PKHD1: variants seen among roughly 807,000 people sequenced by gnomAD.
The protein encoded by PKHD1 is fibrocystin.
In PKHD1, 291 loss-of-function variants were observed where a neutral mutation model predicts 412.0. The observed-to-expected ratio is 0.71, with a 90% CI of 0.64 to 0.78. PKHD1 has a LOEUF of 0.78. Ranked by LOEUF, PKHD1 falls within the 30% of genes least tolerant of loss-of-function variation. The pLI is 0.00. For synonymous variants in PKHD1, 1,777 were observed against 1,821.5 expected (o/e 0.98, Z 0.62); for missense variants, 4,825 against 4,950.7 (o/e 0.97, Z 0.76).
At chr6:51,869,956 T>C (rs953958236) in intron 47 of PKHD1, among the ~76,000 whole-genome samples, 1 of 152,172 alleles carries the variant, frequency 6.6e-6, no homozygotes, top group Non-Finnish European at 1.5e-5. Context: ...CCTTGGCCCA[T>C]GAGTCCTCCA....
chr6:51,692,831 A>C (rs2150642914), intron 60 of PKHD1, among the ~76,000 whole-genome samples: 1 of 152,308 alleles, frequency 6.6e-6, no homozygotes, highest in South Asian at 2.1e-4. Flanking sequence ...ACTGACATCT[A>C]GATTTTGCCC....
chr6:51,849,671 G>T (rs906789388), intron 49 of PKHD1, among the ~76,000 whole-genome samples: 21 of 151,834 alleles, frequency 1.4e-4, no homozygotes, highest in Admixed American at 6.6e-5. Flanking sequence ...TTTCATGTTT[G>T]TTGGCCGCGT....
chr6:51,721,950 A>G, intron 60 of PKHD1: 1 of 1,613,252 alleles, frequency 6.2e-7, no homozygotes, highest in Non-Finnish European at 8.5e-7. Context: ...CTGCCTCATT[A>G]ATCTTTCAAA....
intron 4 of PKHD1, 27 bp from the exon 5 acceptor site, chr6:52,080,035 T>C (rs1045057345): frequency 7.2e-7 from 1 of 1,391,892 alleles, no homozygotes; most frequent in Non-Finnish European, 1.0e-6. Flanking sequence ...GAAATCCTTA[T>C]GAATCAAAAA....
At position 51,883,209 on chromosome 6, in the gene PKHD1, G is replaced by T. The variant is rs1010562596; in HGVS notation, c.7234C>A (p.Leu2412Ile). The stretch of plus-strand genomic sequence containing the variant: ...TAAACTTTGAAGTTTTTCAGGCGAA[G>T]ATTGCTACTTCTAAAAATCTATAAA... ...GGAQIFRSSNLRLKNFKVYSC... is the reference protein window; with the variant it reads ...GGAQIFRSSNIRLKNFKVYSC... The change falls in exon 46 of 67, where the codon CTT (leucine) becomes ATT (isoleucine). Residue 2412 changes from leucine (L) to isoleucine (I), a missense_variant. Coordinates refer to ENST00000371117, the MANE Select transcript of PKHD1 (RefSeq NM_138694.4). The T allele has an allele frequency of 1.2e-6, 2 of 1,613,386 alleles. No homozygotes were observed. Among genetic ancestry groups the T allele is most frequent in the Non-Finnish European group, 1.7e-6 (2 of 1,179,458 alleles).
At chr6:51,800,547 G>A (rs1326568) in intron 52 of PKHD1, among the ~76,000 whole-genome samples, 113,694 of 151,888 alleles carry the variant, frequency 0.75, 42,826 homozygotes, top group East Asian at 0.97. Flanking sequence ...AGCATTCCAT[G>A]TAAGTTGAAC....
intron 52 of PKHD1, among the ~76,000 whole-genome samples, chr6:51,815,110 C>T (rs948280546): frequency 9.9e-5 from 15 of 152,142 alleles, no homozygotes; most frequent in Non-Finnish European, 2.1e-4. Context: ...GACATCTCCC[C>T]CTTAAGTTTC....
chr6:51,663,204 CT>C, intron 60 of PKHD1, among the ~76,000 whole-genome samples: 2 of 152,122 alleles, frequency 1.3e-5, no homozygotes, highest in African/African-American at 4.8e-5. Context: ...AGAGGTTCCC[CT>C]TTTCTAAACT....
intron 35 of PKHD1, among the ~76,000 whole-genome samples, chr6:51,991,849 A>G (rs900369723): frequency 2.0e-5 from 3 of 152,244 alleles, no homozygotes; most frequent in Admixed American, 1.3e-4. Context: ...ACCATTCCAG[A>G]TTTATTCACT....
intron 51 of PKHD1, among the ~76,000 whole-genome samples, chr6:51,835,651 A>G (rs999600624): frequency 1.3e-5 from 2 of 152,168 alleles, no homozygotes; most frequent in African/African-American, 2.4e-5. Flanking sequence ...TCTGAAAACA[A>G]TCTTGAATCA....
intron 43 of PKHD1, among the ~76,000 whole-genome samples, chr6:51,890,999 G>A (rs982550914): frequency 2.0e-5 from 3 of 152,136 alleles, no homozygotes; most frequent in Non-Finnish European, 4.4e-5. Context: ...TGCAGACAAG[G>A]GTTAGAATTT....
At chr6:51,847,748 A>C (rs777635194) in intron 50 of PKHD1, 27 bp downstream of exon 50, 1 of 1,517,496 alleles carries the variant, frequency 6.6e-7, no homozygotes, top group Non-Finnish European at 9.2e-7. Flanking sequence ...ATGTGCTCTC[A>C]AAACATTCAT....
chr6:51,793,217 A>T (rs572998436), intron 52 of PKHD1, among the ~76,000 whole-genome samples: 1 of 152,318 alleles, frequency 6.6e-6, no homozygotes, highest in Admixed American at 6.5e-5. Flanking sequence ...AAATATTCAA[A>T]TAAAAGAGTG....
intron 60 of PKHD1, among the ~76,000 whole-genome samples, chr6:51,673,229 T>C (rs538661496): frequency 1.1e-4 from 17 of 152,322 alleles, no homozygotes; most frequent in Non-Finnish European, 1.9e-4. Flanking sequence ...TTTTCCCTGA[T>C]AATTCCCCAA....
chr6:51,989,738 T>A (rs1468268576), intron 35 of PKHD1, among the ~76,000 whole-genome samples: 1 of 151,032 alleles, frequency 6.6e-6, no homozygotes, highest in Non-Finnish European at 1.5e-5. Flanking sequence ...ACAATCCCAA[T>A]TAGACCATTA....
chr6:52,060,255 C>CCTTG (rs1322227093), intron 14 of PKHD1, among the ~76,000 whole-genome samples: 4 of 152,190 alleles, frequency 2.6e-5, no homozygotes, highest in African/African-American at 9.6e-5. Context: ...ACACAAATAC[C>CCTTG]CTTGCTGTTG....
chr6:51,963,001 T>C (rs1212414629), intron 35 of PKHD1, among the ~76,000 whole-genome samples: 6 of 152,142 alleles, frequency 3.9e-5, no homozygotes, highest in Admixed American at 6.6e-5. Flanking sequence ...ATAAATGTTT[T>C]TGAATAATTT....
rs79303272 is a variant in PKHD1, at chr6:51,969,237, T to C, written c.5752-9211A>G. 2.5e-3 allele frequency among the ~76,000 whole-genome samples: 379 copies of C among 152,186 alleles called. 11 individuals are homozygous for C. In the East Asian group the frequency reaches 0.06, roughly 24 times the overall value. ...TCACAGCCAACAGCCAGCAAGAAAA[T>C]GAAGACCTAAATCCTATATTCACAA... is the stretch of plus-strand genomic sequence containing the variant. On this transcript the variant is annotated intron_variant, in intron 35 of 66. Transcript: ENST00000371117.
chr6:51,838,991 T>C (rs1268875275), intron 50 of PKHD1, among the ~76,000 whole-genome samples: 3 of 152,244 alleles, frequency 2.0e-5, no homozygotes, highest in Admixed American at 2.0e-4. Flanking sequence ...GGCATGTTCA[T>C]GATTCCAGGT....
Sources: allele counts gnomAD v4.1 joint callset (sites outside exome capture counted in the v4.1 genomes callset), GRCh38; gene constraint gnomAD v4.1.1; transcripts MANE v1.5; gene names NCBI Gene and HGNC (gene_info 2026-07-23, HGNC 2026-07-21).